PTCRA: variants seen among roughly 807,000 people sequenced by gnomAD.
The protein encoded by PTCRA is pre T cell antigen receptor alpha.
Under a neutral mutation model 13.4 loss-of-function variants are expected in PTCRA, and 9 were observed. The observed-to-expected ratio is 0.67, with a 90% CI of 0.41 to 1.18. The LOEUF (loss-of-function observed/expected upper bound fraction) is 1.18. Among genes scored for constraint, PTCRA ranks in the 50% most tolerant of loss-of-function variants. The probability of loss-of-function intolerance (pLI) is 0.01; values close to 1 mark genes in which losing one functional copy is unlikely to be tolerated. For synonymous variants in PTCRA, 153 were observed against 161.9 expected (o/e 0.94, Z 0.42); for missense variants, 353 against 359.8 (o/e 0.98, Z 0.15).
At position 42,924,925 on chromosome 6, in the gene PTCRA, C is replaced by T. The variant is rs368777399; in HGVS notation, c.425-336C>T. ...GGTGGAGGTTGCAGTGAGATGAGAT[C>T]GTGCCACTGCCCTCCAGCCTGGGTG... On this transcript the variant is annotated intron_variant, in intron 3 of 3. Transcript: ENST00000304672. Among the ~76,000 whole-genome samples, 51 of 151,176 alleles carry T rather than the reference C, an allele frequency of 3.4e-4. 2 individuals are homozygous for T. In the South Asian group the frequency reaches 7.7e-3, roughly 23 times the overall value.
chr6:42,924,412 G>A (rs1342769595), intron 3 of PTCRA, 139 bp downstream of exon 3: 2 of 741,774 alleles, frequency 2.7e-6, no homozygotes, highest in Non-Finnish European at 4.8e-6. Context: ...TGTCATGCTA[G>A]GTTGGGGCAC....
At position 42,925,535 on chromosome 6, in the gene PTCRA, A is replaced by AT. The variant is rs751409607; in HGVS notation, c.700dup (p.Trp234LeufsTer38). 2 of 1,588,672 alleles carry AT rather than the reference A, an allele frequency of 1.3e-6. No individual in the cohort carries two copies. Among genetic ancestry groups the AT allele is most frequent in the Non-Finnish European group, 1.7e-6 (2 of 1,166,488 alleles). Reference sequence around the variant, plus strand: ...CGGGTCGGAAGCCCGGGAGCCCAGTATGGGGGGAAGGGTCTTACCTCAGCA... The same window carrying AT: ...CGGGTCGGAAGCCCGGGAGCCCAGTATTGGGGGGAAGGGTCTTACCTCAGCA... On this transcript the variant is annotated frameshift_variant, in exon 4 of 4. Transcript: ENST00000304672. LOFTEE classifies it low-confidence loss of function (END_TRUNC). The surrounding 1 kb of genome is among the most constrained non-coding windows in gnomAD (Gnocchi z 4.4).
At chr6:42,923,384 GTCCCCT>G in intron 2 of PTCRA, 37 bp downstream of exon 2, 1 of 1,584,250 alleles carries the variant, frequency 6.3e-7, no homozygotes, top group Non-Finnish European at 8.7e-7. Flanking sequence ...GATGCTCCCT[GTCCCCT>G]TCCACACACC....
At chr6:42,922,232 C>G in intron 1 of PTCRA, 1 of 702,780 alleles carries the variant, frequency 1.4e-6, no homozygotes, top group Non-Finnish European at 2.6e-6. Context: ...TGTTTCCTTC[C>G]CTTCCTCACC....
chr6:42,916,567 C>G (rs1766885921), intron 1 of PTCRA, among the ~76,000 whole-genome samples: 2 of 152,158 alleles, frequency 1.3e-5, no homozygotes, highest in South Asian at 4.1e-4. Flanking sequence ...GATGCCTGCC[C>G]TAGTTCAATA....
At chr6:42,924,718 A>AT (rs1229980786) in intron 3 of PTCRA, among the ~76,000 whole-genome samples, 2 of 152,108 alleles carry the variant, frequency 1.3e-5, no homozygotes, top group African/African-American at 2.4e-5. Context: ...CACACCTGTA[A>AT]TCCCAGCACT....
rs1039631152 is a variant in PTCRA at position 42,925,604 on chromosome 6, C to T, written c.768C>T (p.Ala256=). The change falls in exon 4 of 4, where the codon GCC becomes GCT. Residue 256 remains alanine, a synonymous_variant. Transcript: ENST00000304672. The surrounding 1 kb of genome is among the most constrained non-coding windows in gnomAD (Gnocchi z 4.4). ...CPAQAWCSRS[A]LRAPSSSLGA... Reference sequence around the variant, plus strand: ...CACAGGCCTGGTGCTCAAGATCTGCCCTCAGGGCTCCTTCCTCCAGTCTTG... The same window carrying T: ...CACAGGCCTGGTGCTCAAGATCTGCTCTCAGGGCTCCTTCCTCCAGTCTTG... 6.3e-6 allele frequency: 10 copies of T among 1,590,154 alleles called. No individual in the cohort carries two copies. Among genetic ancestry groups the T allele is most frequent in the Non-Finnish European group, 7.7e-6 (9 of 1,168,394 alleles).
rs1228101048 is a variant in PTCRA, at chr6:42,923,286, C to T, written c.318C>T (p.Val106=). ...SEELASWEPL[V]CHTGPGAEGH... is the part of the protein sequence containing the mutation. ...AGCTGGCATCCTGGGAGCCTTTGGT[C>T]TGCCACACTGGGCCTGGGGCTGAGG... Residue 106 remains valine (V), a synonymous_variant, in exon 2 of 4, where the codon GTC becomes GTT. Transcript: ENST00000304672. 5 of 1,614,228 alleles carry T rather than the reference C, an allele frequency of 3.1e-6. No homozygotes were observed. The highest frequency in any genetic ancestry group is 4.2e-6 in the Non-Finnish European group (5 of 1,180,030).
In PTCRA at chr6:42,923,199, C is replaced by A; in HGVS notation, c.231C>A (p.Gly77=). ...GTGCACTGGATGCCTTCACCTATGG[C>A]CCTTCCCCAGCAACGGATGGCACCT... is the stretch of plus-strand genomic sequence containing the variant. The part of the protein sequence containing the change: ...NGSALDAFTY[G]PSPATDGTWT... Residue 77 remains glycine (G), a synonymous_variant, in exon 2 of 4, where the codon GGC becomes GGA. Transcript: ENST00000304672. 6.2e-7 allele frequency: 1 copy of A among 1,614,250 alleles called. No individual in the cohort carries two copies. The highest frequency in any genetic ancestry group is 8.5e-7 in the Non-Finnish European group (1 of 1,180,038).
intron 1 of PTCRA, among the ~76,000 whole-genome samples, chr6:42,919,227 C>T (rs1249168301): frequency 1.3e-5 from 2 of 151,962 alleles, no homozygotes; most frequent in African/African-American, 2.4e-5. Flanking sequence ...ATCTCCTGAC[C>T]TTGTGATCTG....
intron 1 of PTCRA, among the ~76,000 whole-genome samples, chr6:42,921,627 A>G (rs1460744820): frequency 6.8e-6 from 1 of 147,742 alleles, no homozygotes; most frequent in South Asian, 2.2e-4. Context: ...CATGTTGGCC[A>G]GGATAGTCTC....
At chr6:42,922,980 G>C (rs1378822989) in intron 1 of PTCRA, 47 bp from the exon 2 acceptor site, 4 of 1,566,036 alleles carry the variant, frequency 2.6e-6, no homozygotes, top group Non-Finnish European at 3.5e-6. Context: ...GCTGGCCTGG[G>C]AGGCCAAAAG....
chr6:42,924,695 G>C (rs970596349), intron 3 of PTCRA, among the ~76,000 whole-genome samples: 1 of 152,124 alleles, frequency 6.6e-6, no homozygotes, highest in Admixed American at 6.5e-5. Flanking sequence ...TTTTGAGGCC[G>C]GGTGCGGTGG....
chr6:42,919,204 C>T (rs1767025530), intron 1 of PTCRA, among the ~76,000 whole-genome samples: 1 of 152,000 alleles, frequency 6.6e-6, no homozygotes, highest in Admixed American at 6.6e-5. Context: ...CCATGTTAGC[C>T]AGGATGGTCT....
chr6:42,918,468 C>T (rs959291922), intron 1 of PTCRA, among the ~76,000 whole-genome samples: 50 of 151,758 alleles, frequency 3.3e-4, no homozygotes, highest in South Asian at 2.9e-3. Flanking sequence ...GCAGGAGAAT[C>T]GCTTGAACCC....
chr6:42,919,067 C>T (rs1194712015), intron 1 of PTCRA, among the ~76,000 whole-genome samples: 1 of 145,926 alleles, frequency 6.9e-6, no homozygotes, highest in African/African-American at 2.6e-5. Flanking sequence ...TTTTTTGAGA[C>T]AGAGTCCCGC....
At chr6:42,917,907 C>CTAAA (rs1402530421) in intron 1 of PTCRA, among the ~76,000 whole-genome samples, 57 of 151,844 alleles carry the variant, frequency 3.8e-4, no homozygotes, top group Non-Finnish European at 6.3e-4. Context: ...TTCCTTCAAC[C>CTAAA]TAAATAAATA....
intron 1 of PTCRA, among the ~76,000 whole-genome samples, chr6:42,917,365 G>GCC (rs1409368292): frequency 1.3e-5 from 2 of 148,718 alleles, no homozygotes; most frequent in Non-Finnish European, 1.5e-5. Flanking sequence ...TGGGATTACA[G>GCC]GCACCTGCCA....
chr6:42,920,481 G>A (rs1480608540), intron 1 of PTCRA, among the ~76,000 whole-genome samples: 1 of 151,232 alleles, frequency 6.6e-6, no homozygotes, highest in Non-Finnish European at 1.5e-5. Context: ...CTGGAGTGCA[G>A]TGGCGCGATC....
Sources: allele counts gnomAD v4.1 joint callset (sites outside exome capture counted in the v4.1 genomes callset), GRCh38; gene constraint gnomAD v4.1.1; non-coding constraint Gnocchi (gnomAD v3.1); transcripts MANE v1.5; gene names NCBI Gene and HGNC (gene_info 2026-07-23, HGNC 2026-07-21).